The following LRRC38 variants were observed in gnomAD, a reference collection of about 807,000 sequenced individuals.
LRRC38 encodes the protein leucine-rich repeat-containing protein 38.
In LRRC38, 5 loss-of-function variants were observed where a neutral mutation model predicts 16.4. The ratio of observed to expected loss-of-function variants is 0.31; its 90% CI spans 0.16 to 0.64. The LOEUF (loss-of-function observed/expected upper bound fraction) is 0.64, where lower values mean the gene tolerates loss of function less well. Ranked by LOEUF, LRRC38 falls within the 30% of genes least tolerant of loss-of-function variation. The pLI is 0.80. For missense variants in LRRC38, 341 were observed against 401.8 expected, an observed-to-expected ratio of 0.85 and a Z score of 1.29; for synonymous variants, 191 against 190.2, an observed-to-expected ratio of 1.00 and a Z score of -0.04.
intron 1 of LRRC38, among the ~76,000 whole-genome samples, chr1:13,506,792 G>A (rs1639218571): frequency 6.6e-6 from 1 of 152,154 alleles, no homozygotes. Context: ...CCAGCCCGAA[G>A]GCTGATAAGG....
chr1:13,477,078 C>A (rs892060736), intron 1 of LRRC38, among the ~76,000 whole-genome samples: 3 of 152,078 alleles, frequency 2.0e-5, no homozygotes, highest in Admixed American at 6.6e-5. Flanking sequence ...GCACTCTAGA[C>A]TGGGCGACAG....
At chr1:13,512,590 C>T (rs1557507246) in intron 1 of LRRC38, among the ~76,000 whole-genome samples, 2 of 152,048 alleles carry the variant, frequency 1.3e-5, no homozygotes, top group Admixed American at 1.3e-4. Flanking sequence ...ACTGAGAATA[C>T]GGCCGTTTCC....
chr1:13,483,991 GGAGA>G (rs1016380511), intron 1 of LRRC38, among the ~76,000 whole-genome samples: 2 of 151,994 alleles, frequency 1.3e-5, no homozygotes, highest in African/African-American at 4.8e-5. Context: ...ATGTGTGTGT[GGAGA>G]GAGATTTATT....
At chr1:13,479,957 TA>T (rs1358021586) in intron 1 of LRRC38, among the ~76,000 whole-genome samples, 2 of 152,172 alleles carry the variant, frequency 1.3e-5, no homozygotes, top group African/African-American at 2.4e-5. Flanking sequence ...TTTTTTGACA[TA>T]GGGGCCGTCC....
At chr1:13,499,025 T>C (rs537919308) in intron 1 of LRRC38, among the ~76,000 whole-genome samples, 20 of 152,276 alleles carry the variant, frequency 1.3e-4, no homozygotes, top group African/African-American at 4.8e-4. Flanking sequence ...TCTGTCCAAA[T>C]TCCCCCTTTT....
chr1:13,494,237 C>T (rs991538387), intron 1 of LRRC38, among the ~76,000 whole-genome samples: 16 of 152,204 alleles, frequency 1.1e-4, no homozygotes, highest in Non-Finnish European at 1.8e-4. Context: ...GCCAGGTGTC[C>T]GCACCCTCAG....
chr1:13,488,879 G>T lies in LRRC38; in HGVS notation c.632-12780C>A, dbSNP rs1300989881. Among the ~76,000 whole-genome samples, 12 of 152,104 alleles carry T rather than the reference G, an allele frequency of 7.9e-5. 1 individual carries two copies. In the East Asian group the frequency reaches 1.9e-3, roughly 24 times the overall value. On this transcript the variant is annotated intron_variant, in intron 1 of 1. Coordinates refer to ENST00000376085, the MANE Select transcript of LRRC38 (RefSeq NM_001010847.2). Reference sequence around the variant, plus strand: ...CGTGCGAAGGGGGGATTGGAGAGAAGTATGGTCGATCCAGCCCACCCAACC... The same window carrying T: ...CGTGCGAAGGGGGGATTGGAGAGAATTATGGTCGATCCAGCCCACCCAACC...
chr1:13,509,862 G>A (rs562798494), intron 1 of LRRC38, among the ~76,000 whole-genome samples: 5 of 152,222 alleles, frequency 3.3e-5, no homozygotes, highest in Middle Eastern at 3.4e-3. Context: ...CAGAGCCAGC[G>A]AAAAGCCCCA....
intron 1 of LRRC38, among the ~76,000 whole-genome samples, chr1:13,479,396 G>A (rs753676607): frequency 6.6e-6 from 1 of 152,138 alleles, no homozygotes; most frequent in Non-Finnish European, 1.5e-5. Flanking sequence ...TTCAGGAAGC[G>A]GTATCAACCG....
At chr1:13,490,443 G>A (rs1175772482) in intron 1 of LRRC38, among the ~76,000 whole-genome samples, 1 of 152,172 alleles carries the variant, frequency 6.6e-6, no homozygotes, top group Non-Finnish European at 1.5e-5. Flanking sequence ...ACAGGCGTGA[G>A]CCACTGCGCC....
chr1:13,481,780 C>CTCTCT (rs1553134659), intron 1 of LRRC38, among the ~76,000 whole-genome samples: 1 of 58,348 alleles, frequency 1.7e-5, no homozygotes, highest in Non-Finnish European at 3.1e-5. Flanking sequence ...TCCCTCTCTC[C>CTCTCT]CTCTCTCCCT....
chr1:13,485,176 C>A (rs1638915751), intron 1 of LRRC38, among the ~76,000 whole-genome samples: 1 of 151,340 alleles, frequency 6.6e-6, no homozygotes, highest in Admixed American at 6.6e-5. Flanking sequence ...ACTCAGGAGG[C>A]TGAAGCAGGA....
rs562444472 is a variant in LRRC38, at chr1:13,512,869, C to T, written c.631+94G>A. 5.0e-4 allele frequency: 673 copies of T among 1,356,188 alleles called. 1 individual carries two copies. The highest frequency in any genetic ancestry group is 6.4e-4 in the Non-Finnish European group (650 of 1,019,206). 84.0% of individuals were successfully genotyped at this position (1,356,188 alleles called of 1,614,324 possible). On this transcript the variant is annotated intron_variant, in intron 1 of 1. Transcript: ENST00000376085. ...GATCCCCCAAGCCTCCTCTTCCAAACTCAACCCACGGCTCCTCCCACCCAG... is the reference window on the plus strand; with the variant it reads ...GATCCCCCAAGCCTCCTCTTCCAAATTCAACCCACGGCTCCTCCCACCCAG...
intron 1 of LRRC38, among the ~76,000 whole-genome samples, chr1:13,504,549 C>T (rs567619184): frequency 2.0e-5 from 3 of 151,804 alleles, no homozygotes; most frequent in East Asian, 1.9e-4. Context: ...GGCAAAACCC[C>T]GTCTCTACTA....
rs1569903911 is a variant in LRRC38, at chr1:13,475,725, C to CA, written c.*120dup. ...TGTACCCAGGGGCCAAGACACGGAA[C>CA]AGGCTCTGTTCAGTTCACAGATGGT... On this transcript the variant is annotated 3_prime_UTR_variant, in exon 2 of 2. Coordinates refer to ENST00000376085, the MANE Select transcript of LRRC38 (RefSeq NM_001010847.2). This position sits in a 1 kb window ranked among gnomAD's most constrained non-coding sequence, Gnocchi z 4.3. The CA allele has an allele frequency of 1.3e-5, 17 of 1,314,460 alleles. No homozygotes were observed. Among genetic ancestry groups the CA allele is most frequent in the Non-Finnish European group, 1.7e-5 (17 of 972,264 alleles). The allele number at this position is 1,314,460 out of a possible 1,614,324, so 81.4% of individuals were successfully genotyped here.
chr1:13,508,035 G>A (rs1219107807), intron 1 of LRRC38, among the ~76,000 whole-genome samples: 10 of 152,122 alleles, frequency 6.6e-5, no homozygotes, highest in Admixed American at 2.0e-4. Context: ...TCAGGAGTTC[G>A]AGATCAGCTT....
Position 13,513,467 on chromosome 1 carries a change from G to A in LRRC38, c.127C>T (p.Arg43Cys). ...GGCACGCTGGGCAGCCCGCGGTCGCGGCAGTCCACGGTGTGCGGGTCGGTG... is the reference window on the plus strand; with the variant it reads ...GGCACGCTGGGCAGCCCGCGGTCGCAGCAGTCCACGGTGTGCGGGTCGGTG... The part of the protein sequence containing the change: ...ACTDPHTVDC[R>C]DRGLPSVPDP... Residue 43 changes from arginine (R) to cysteine (C), a missense_variant, in exon 1 of 2, where the codon CGC becomes TGC. Physicochemically the swap from Arg to Cys is radical, Grantham distance 180 (BLOSUM62 -3). Transcript: ENST00000376085. The A allele has an allele frequency of 1.3e-6, 2 of 1,545,930 alleles. No individual in the cohort carries two copies. The highest frequency in any genetic ancestry group is 1.7e-6 in the Non-Finnish European group (2 of 1,144,408).
chr1:13,477,120 A>G (rs1286980750), intron 1 of LRRC38, among the ~76,000 whole-genome samples: 1 of 152,088 alleles, frequency 6.6e-6, no homozygotes, highest in Non-Finnish European at 1.5e-5. Context: ...AAAAGAATGT[A>G]TTGAAGATGG....
At chr1:13,510,713 G>A (rs753169075) in intron 1 of LRRC38, among the ~76,000 whole-genome samples, 4 of 152,018 alleles carry the variant, frequency 2.6e-5, no homozygotes, top group African/African-American at 4.8e-5. Flanking sequence ...CAAGCAAGAC[G>A]GTGTTCTTTA....
Sources: gnomAD v4.1 joint callset for allele counts (sites outside exome capture counted in the v4.1 genomes callset) on GRCh38, gnomAD v4.1.1 for gene constraint, Gnocchi (gnomAD v3.1) non-coding constraint, MANE v1.5 for transcripts, NCBI Gene and HGNC (gene_info 2026-07-23, HGNC 2026-07-21) for gene names.